Variants in RBL2 observed in about 807,000 individuals in gnomAD.
The protein encoded by RBL2 is retinoblastoma-like protein 2.
Under a neutral mutation model 126.0 loss-of-function variants are expected in RBL2, and 56 were observed. That is an observed-to-expected ratio of 0.44 (90% CI 0.36 to 0.56). The LOEUF (loss-of-function observed/expected upper bound fraction) is 0.56, where lower values mean the gene tolerates loss of function less well. Ranked by LOEUF, RBL2 falls within the 20% of genes least tolerant of loss-of-function variation. The pLI is 0.00. For missense variants in RBL2, 1,229 were observed against 1,398.2 expected (o/e 0.88, Z 1.93); for synonymous variants, 454 against 478.5 (o/e 0.95, Z 0.67).
At chr16:53,457,978 A>G (rs1451893590) in intron 8 of RBL2, among the ~76,000 whole-genome samples, 1 of 152,188 alleles carries the variant, frequency 6.6e-6, no homozygotes, top group Non-Finnish European at 1.5e-5. Flanking sequence ...GCATCGGTTC[A>G]TGCACAGTGA....
intron 4 of RBL2, chr16:53,449,143 A>T (rs982749815): frequency 6.6e-6 from 1 of 152,148 alleles, no homozygotes; most frequent in Non-Finnish European, 1.5e-5. Context: ...AGCGGCTACA[A>T]ATTTTAGAAT....
chr16:53,480,859 C>T (rs1031795078), intron 20 of RBL2, 90 bp downstream of exon 20: 198 of 1,311,088 alleles, frequency 1.5e-4, no homozygotes, highest in Non-Finnish European at 1.8e-4. Context: ...TCACCTGGTC[C>T]GTATATAAAC....
At position 53,480,696 on chromosome 16, in the gene RBL2, A is replaced by G. The variant is rs146701921; in HGVS notation, c.3011A>G (p.Asp1004Gly). The G allele has an allele frequency of 2.5e-6, 4 of 1,613,640 alleles. No homozygotes were observed. The highest frequency in any genetic ancestry group is 1.3e-5 in the African/African-American group (1 of 74,878). ...NSDMEEEERG[D>G]LIQFYNNIYI... The stretch of plus-strand genomic sequence containing the variant: ...GACATGGAAGAAGAGGAGAGGGGAG[A>G]CCTCATTCAGTTCTACAACAACATC... The change falls in exon 20 of 22, where the codon GAC (aspartate) becomes GGC (glycine). Residue 1004 changes from aspartate to glycine, a missense_variant. Asp to Gly is a moderately conservative substitution (Grantham distance 94). Around this residue, in one of 2 missense-constraint regions of RBL2, gnomAD observed 1,070 missense variants for 1,274.3 expected, o/e 0.84. Coordinates refer to ENST00000262133, the MANE Select transcript of RBL2 (RefSeq NM_005611.4).
intron 12 of RBL2, 60 bp from the exon 13 acceptor site, chr16:53,465,378 G>A: frequency 8.7e-7 from 1 of 1,147,928 alleles, no homozygotes; most frequent in Non-Finnish European, 1.1e-6. Context: ...CTAATTTCTT[G>A]TCTAAATATT....
At chr16:53,463,051 G>A (rs373573057) in intron 11 of RBL2, among the ~76,000 whole-genome samples, 172 of 152,322 alleles carry the variant, frequency 1.1e-3, no homozygotes, top group African/African-American at 4.0e-3. Flanking sequence ...ATGTTGGCCA[G>A]GCTGGTCTTG....
At chr16:53,443,649 T>G (rs1288886084) in intron 3 of RBL2, among the ~76,000 whole-genome samples, 2 of 152,160 alleles carry the variant, frequency 1.3e-5, no homozygotes, top group African/African-American at 4.8e-5. Context: ...AGTTTTTTCA[T>G]AAAGTAGAAA....
At chr16:53,480,475 A>C in intron 19 of RBL2, 92 bp from the exon 20 acceptor site, 1 of 1,016,186 alleles carries the variant, frequency 9.8e-7, no homozygotes, top group Non-Finnish European at 1.5e-6. Flanking sequence ...CAAGTAGTGC[A>C]GGTAGCTGTT....
chr16:53,444,116 G>A (rs567433279), intron 3 of RBL2, among the ~76,000 whole-genome samples: 1 of 151,570 alleles, frequency 6.6e-6, no homozygotes, highest in East Asian at 1.9e-4. Context: ...GTGCGTGGTG[G>A]TGCATGCCTA....
intron 8 of RBL2, among the ~76,000 whole-genome samples, chr16:53,456,567 T>C (rs889720021): frequency 1.7e-4 from 26 of 152,292 alleles, no homozygotes; most frequent in African/African-American, 5.3e-4. Flanking sequence ...ATATAAAAGC[T>C]AAAATCCTGA....
At chr16:53,439,980 A>AAGGTTACT in intron 2 of RBL2, among the ~76,000 whole-genome samples, 1 of 144,246 alleles carries the variant, frequency 6.9e-6, no homozygotes. Context: ...AAAAAAAAAG[A>AAGGTTACT]AGGTTACTAT....
At chr16:53,462,355 T>C (rs987922282) in intron 10 of RBL2, among the ~76,000 whole-genome samples, 197 bp from the exon 11 acceptor site, 1 of 152,156 alleles carries the variant, frequency 6.6e-6, no homozygotes, top group Non-Finnish European at 1.5e-5. Context: ...ATTTAATAAT[T>C]TTAGAAAAAT....
intron 9 of RBL2, among the ~76,000 whole-genome samples, chr16:53,460,302 T>G (rs968413364): frequency 6.6e-6 from 1 of 152,182 alleles, no homozygotes; most frequent in African/African-American, 2.4e-5. Flanking sequence ...AGGACCCCAT[T>G]TTATTTCTGA....
chr16:53,440,602 A>G (rs1378815545), intron 2 of RBL2, among the ~76,000 whole-genome samples: 3 of 152,076 alleles, frequency 2.0e-5, no homozygotes, highest in Non-Finnish European at 4.4e-5. Context: ...CACCCAGGCC[A>G]GGGTGCAGGG....
At position 53,491,477 on chromosome 16, in the gene RBL2, A is replaced by T. The variant is rs1961451766; in HGVS notation, c.*1177A>T. The T allele has an allele frequency of 6.6e-6, 1 of 152,588 alleles. No homozygotes were observed. The highest frequency in any genetic ancestry group is 2.4e-5 in the African/African-American group (1 of 41,458). The allele number at this position is 152,588 out of a possible 1,614,324, so 9.5% of individuals were successfully genotyped here. ...GGGAGAAAATTCAATTGTAAATTGA[A>T]TCAGTATAAACAAAGTTACTAGGTA... On this transcript the variant is annotated 3_prime_UTR_variant, in exon 22 of 22. Coordinates refer to ENST00000262133, the MANE Select transcript of RBL2 (RefSeq NM_005611.4).
chr16:53,460,360 A>G (rs1250523835), intron 9 of RBL2, among the ~76,000 whole-genome samples: 1 of 152,074 alleles, frequency 6.6e-6, no homozygotes, highest in African/African-American at 2.4e-5. Context: ...GTAATTTCCC[A>G]CTCATAGCCA....
rs1235615300 is a variant in RBL2, at chr16:53,481,754, C to T, written c.3168C>T (p.Val1056=). The change falls in exon 21 of 22, where the codon GTC becomes GTT. Residue 1056 remains valine, a synonymous_variant. Coordinates refer to ENST00000262133, the MANE Select transcript of RBL2 (RefSeq NM_005611.4). ...RRIQLSQNHP[V]YISPHKNETM... ...TACAGTTGTCTCAAAATCATCCTGT[C>T]TACATTTCCCCACATAAAAATGAAA... 2 of 1,596,920 alleles carry T rather than the reference C, an allele frequency of 1.3e-6. No individual in the cohort carries two copies. Among genetic ancestry groups the T allele is most frequent in the African/African-American group, 2.7e-5 (2 of 74,410 alleles).
At chr16:53,446,176 TA>T (rs2058060471) in intron 3 of RBL2, among the ~76,000 whole-genome samples, 1 of 152,178 alleles carries the variant, frequency 6.6e-6, no homozygotes, top group East Asian at 1.9e-4. Context: ...GGTAGGCAAC[TA>T]AAACTAGAAA....
At chr16:53,484,058 TTCTC>T (rs1201447022) in intron 21 of RBL2, among the ~76,000 whole-genome samples, 1 of 152,202 alleles carries the variant, frequency 6.6e-6, no homozygotes, top group Non-Finnish European at 1.5e-5. Flanking sequence ...AAGATATACT[TTCTC>T]TGTTATATAG....
chr16:53,468,711 G>A (rs1037203632), intron 14 of RBL2, among the ~76,000 whole-genome samples: 2 of 152,110 alleles, frequency 1.3e-5, no homozygotes, highest in African/African-American at 4.8e-5. Flanking sequence ...TTAAGCCACA[G>A]TTTGTTAGGA....
Sources: gnomAD v4.1 joint callset for allele counts (sites outside exome capture counted in the v4.1 genomes callset) on GRCh38, gnomAD v4.1.1 for gene constraint, gnomAD v4.1.1 regional missense constraint, MANE v1.5 for transcripts, NCBI Gene and HGNC (gene_info 2026-07-23, HGNC 2026-07-21) for gene names.